Variants in HERC3 observed in about 807,000 individuals in gnomAD.
HERC3 encodes probable E3 ubiquitin-protein ligase HERC3.
A neutral mutation model predicts 129.9 loss-of-function variants in HERC3; 58 were observed. That is an observed-to-expected ratio of 0.45 (90% CI 0.36 to 0.56). The LOEUF is 0.56. Among genes scored for constraint, HERC3 ranks in the 20% least tolerant of loss-of-function variants. The pLI is 0.00. For missense variants in HERC3, 835 were observed against 1,244.2 expected (o/e 0.67, Z 4.95); for synonymous variants, 430 against 451.0 (o/e 0.95, Z 0.59).
chr4:88,659,514 G>A (rs903087126), intron 10 of HERC3, among the ~76,000 whole-genome samples: 1 of 152,220 alleles, frequency 6.6e-6, no homozygotes, highest in African/African-American at 2.4e-5. Context: ...CTATTTTCCA[G>A]GTCAGGTGCC....
the HERC3 span, among the ~76,000 whole-genome samples, chr4:88,563,816 G>A: frequency 2.0e-5 from 3 of 151,796 alleles, no homozygotes; most frequent in Admixed American, 6.6e-5. Context: ...GCACCACCAC[G>A]CCCGGCTAAT....
the HERC3 span, among the ~76,000 whole-genome samples, chr4:88,576,859 G>A: frequency 6.6e-6 from 1 of 151,902 alleles, no homozygotes; most frequent in Non-Finnish European, 1.5e-5. Flanking sequence ...ATGGTACCAC[G>A]CTTACAGACT....
chr4:88,636,704 A>T (rs531215109), intron 3 of HERC3, among the ~76,000 whole-genome samples: 30 of 152,360 alleles, frequency 2.0e-4, no homozygotes, highest in African/African-American at 6.3e-4. Context: ...TATCAGTGCC[A>T]CATAGCACTT....
Position 88,605,569 on chromosome 4 carries a change from A to G in HERC3, c.-29-226A>G, listed in dbSNP as rs540659041. Among the ~76,000 whole-genome samples, 10 of 152,344 alleles carry G rather than the reference A, an allele frequency of 6.6e-5. No individual in the cohort carries two copies. In the South Asian group the frequency reaches 2.1e-3, roughly 32 times the overall value. On this transcript the variant is annotated intron_variant, in intron 2 of 25. Transcript: ENST00000402738. ...GTCTGTTTACTCATTCATTTAAACA[A>G]ACACAATTTATTTAAACTTCTTTTT... is the stretch of plus-strand genomic sequence containing the variant.
rs1732743062 is a variant in HERC3 at position 88,681,248 on chromosome 4, A to G, written c.2430A>G (p.Pro810=). Residue 810 remains proline, a synonymous_variant, in exon 21 of 26, where the codon CCA becomes CCG. Transcript: ENST00000402738. ...CCACTGTGGTCGATCTCCACTTCCCATTGGCTCTCTACAAGAAGTTACTCA... is the reference window on the plus strand; with the variant it reads ...CCACTGTGGTCGATCTCCACTTCCCGTTGGCTCTCTACAAGAAGTTACTCA... The part of the protein sequence containing the change: ...YNSTVVDLHF[P]LALYKKLLNV... The G allele has an allele frequency of 1.2e-6, 2 of 1,614,078 alleles. No homozygotes were observed. The highest frequency in any genetic ancestry group is 1.7e-6 in the Non-Finnish European group (2 of 1,179,942).
chr4:88,660,356 C>T (rs767635083), intron 10 of HERC3, among the ~76,000 whole-genome samples: 3 of 152,132 alleles, frequency 2.0e-5, no homozygotes, highest in Admixed American at 6.5e-5. Flanking sequence ...CGTCCGCTAC[C>T]ATGCCTGGGT....
intron 3 of HERC3, among the ~76,000 whole-genome samples, chr4:88,649,569 A>G (rs529774308): frequency 1.3e-5 from 2 of 152,272 alleles, no homozygotes; most frequent in Non-Finnish European, 2.9e-5. Context: ...CACCAGGCAC[A>G]TGGCTGTATA....
At chr4:88,657,290 A>G (rs1429470864) in intron 9 of HERC3, 4 of 152,166 alleles carry the variant, frequency 2.6e-5, no homozygotes, top group African/African-American at 4.8e-5. Flanking sequence ...CTTTTTGTAA[A>G]CCTAGCATAT....
rs956406298 is a variant in HERC3, at chr4:88,708,367, T to G, written c.*1407T>G. 6.6e-6 allele frequency: 1 copy of G among 152,604 alleles called. No individual in the cohort carries two copies. Among genetic ancestry groups the G allele is most frequent in the Non-Finnish European group, 1.5e-5 (1 of 68,030 alleles). 9.5% of individuals were successfully genotyped at this position (152,604 alleles called of 1,614,324 possible). On this transcript the variant is annotated 3_prime_UTR_variant, in exon 26 of 26. Transcript: ENST00000402738. ...TCAAATCTTGATGAAGGATTGTAGA[T>G]TTTTGCTTTTTCTTTTTGTTTTTAA...
At position 88,686,763 on chromosome 4, in the gene HERC3, C is replaced by A. The variant is rs61738481; in HGVS notation, c.2535C>A (p.Pro845=). The change falls in exon 22 of 26, where the codon CCC becomes CCA. Residue 845 remains proline (P), a synonymous_variant. Transcript: ENST00000402738. ...GTCTCCAAGAGCTTTTAGATTACCC[C>A]GGGGAGGATGTGGAGGAGACTTTCT... The part of the protein sequence containing the change: ...GRSLQELLDY[P]GEDVEETFCL... The A allele has an allele frequency of 1.9e-6, 3 of 1,611,578 alleles. No individual in the cohort carries two copies. Among genetic ancestry groups the A allele is most frequent in the East Asian group, 4.5e-5 (2 of 44,830 alleles).
At chr4:88,621,762 G>A (rs909050270) in intron 3 of HERC3, among the ~76,000 whole-genome samples, 3 of 152,198 alleles carry the variant, frequency 2.0e-5, no homozygotes, top group Non-Finnish European at 4.4e-5. Flanking sequence ...TGGTGCTAGG[G>A]ACACAAATAT....
intron 23 of HERC3, chr4:88,697,855 T>G (rs1578344088): frequency 1.4e-6 from 2 of 1,472,444 alleles, no homozygotes; most frequent in South Asian, 2.8e-5. Context: ...GGCGGTGACG[T>G]GCGGCCGCGG....
At chr4:88,678,246 C>G (rs78843724) in intron 19 of HERC3, 112 bp downstream of exon 19, 45,986 of 903,248 alleles carry the variant, frequency 0.051, 1,509 homozygotes, top group Non-Finnish European at 0.063. Flanking sequence ...TTCTTTCATT[C>G]ATTTTGCAAG....
the HERC3 span, among the ~76,000 whole-genome samples, chr4:88,542,795 AT>A: frequency 1.3e-5 from 2 of 152,230 alleles, no homozygotes; most frequent in African/African-American, 4.8e-5. Flanking sequence ...ATGCCAATCA[AT>A]AAACGTAATC....
At chr4:88,682,429 G>C (rs1436033839) in intron 21 of HERC3, among the ~76,000 whole-genome samples, 1 of 151,380 alleles carries the variant, frequency 6.6e-6, no homozygotes, top group Non-Finnish European at 1.5e-5. Context: ...CCATTAACTC[G>C]TCATTTAACA....
chr4:88,532,668 T>C, the HERC3 span, among the ~76,000 whole-genome samples: 1 of 152,028 alleles, frequency 6.6e-6, no homozygotes, highest in Non-Finnish European at 1.5e-5. Context: ...AAACTAACCA[T>C]CACATTGGCC....
the HERC3 span, chr4:88,523,854 G>T: frequency 2.6e-5 from 18 of 705,184 alleles, no homozygotes; most frequent in Non-Finnish European, 3.7e-5. Flanking sequence ...CTTTGGTTCC[G>T]AGGGTGCTTC....
chr4:88,698,404 A>G (rs968525235), intron 23 of HERC3, among the ~76,000 whole-genome samples: 1 of 151,896 alleles, frequency 6.6e-6, no homozygotes, highest in African/African-American at 2.4e-5. Context: ...CTAGCGGCAT[A>G]TATCTTGGTG....
In HERC3 at chr4:88,678,031, G is replaced by A. The variant is rs1578298325; in HGVS notation, c.2093G>A (p.Arg698Lys). 6.2e-7 allele frequency: 1 copy of A among 1,613,964 alleles called. No homozygotes were observed. Among genetic ancestry groups the A allele is most frequent in the Non-Finnish European group, 8.5e-7 (1 of 1,180,004 alleles). Reference sequence around the variant, plus strand: ...CTCACCCTGGAGCCTCTGCTGGCCAGAAGCCCCTTCCTGGTCCTTCACGTT... The same window carrying A: ...CTCACCCTGGAGCCTCTGCTGGCCAAAAGCCCCTTCCTGGTCCTTCACGTT... ...MLLTLEPLLA[R>K]SPFLVLHVRR... Residue 698 changes from arginine to lysine, a missense_variant, in exon 19 of 26, where the codon AGA becomes AAA. Transcript: ENST00000402738.
Sources: allele counts gnomAD v4.1 joint callset (sites outside exome capture counted in the v4.1 genomes callset), GRCh38; gene constraint gnomAD v4.1.1; transcripts MANE v1.5; gene names NCBI Gene and HGNC (gene_info 2026-07-23, HGNC 2026-07-21).